Variants in WDR73 observed in about 807,000 individuals in gnomAD.
The protein encoded by WDR73 is WD repeat domain 73, also known as integrator complex assembly factor WDR73.
In WDR73, 30 loss-of-function variants were observed where a neutral mutation model predicts 38.2. The ratio of observed to expected loss-of-function variants is 0.79; its 90% CI spans 0.59 to 1.06. The LOEUF is 1.06. Ranked by LOEUF, WDR73 falls within the 50% of genes least tolerant of loss-of-function variation. The probability of loss-of-function intolerance (pLI) is 0.00; values close to 1 mark genes in which losing one functional copy is unlikely to be tolerated. For missense variants in WDR73, 487 were observed against 467.0 expected, an observed-to-expected ratio of 1.04 and a Z score of -0.40; for synonymous variants, 197 against 176.0, an observed-to-expected ratio of 1.12 and a Z score of -0.94.
chr15:84,643,551 G>A lies in WDR73; in HGVS notation c.1056C>T (p.Cys352=). Residue 352 remains cysteine, a synonymous_variant, in exon 8 of 8, where the codon TGC becomes TGT. Transcript: ENST00000434634. ...TTGCTGATAACAAAGTCCTTGGTCTGCAGGGATGCCAGGTGTGGGTGGTGA... is the reference window on the plus strand; with the variant it reads ...TTGCTGATAACAAAGTCCTTGGTCTACAGGGATGCCAGGTGTGGGTGGTGA... ...PLVTTHTWHP[C]RPRTLLSATN... The A allele has an allele frequency of 3.7e-6, 6 of 1,609,412 alleles. No individual in the cohort carries two copies. The highest frequency in any genetic ancestry group is 5.1e-6 in the Non-Finnish European group (6 of 1,177,848).
intron 2 of WDR73, 68 bp from the exon 3 acceptor site, chr15:84,652,870 A>C: frequency 1.1e-6 from 1 of 948,898 alleles, no homozygotes; most frequent in African/African-American, 1.7e-5. Flanking sequence ...AATCCCCCGA[A>C]GTAAGGATAC....
At chr15:84,653,922 C>G in intron 1 of WDR73, 1 of 604,688 alleles carries the variant, frequency 1.7e-6, no homozygotes, top group East Asian at 2.8e-5. Context: ...CCAGATTTCC[C>G]AAGGTTGACG....
Position 84,643,340 on chromosome 15 carries a change from C to G in WDR73, c.*130G>C. 1 of 1,128,218 alleles carries G rather than the reference C, an allele frequency of 8.9e-7. No homozygotes were observed. Among genetic ancestry groups the G allele is most frequent in the South Asian group, 1.6e-5 (1 of 61,636 alleles). The allele number at this position is 1,128,218 out of a possible 1,614,324, so 69.9% of individuals were successfully genotyped here. Reference sequence around the variant, plus strand: ...AGATAAGGAAACTGAGGCTAAGTGACGCTGGCAGACTTGCCCAAGGCCACA... The same window carrying G: ...AGATAAGGAAACTGAGGCTAAGTGAGGCTGGCAGACTTGCCCAAGGCCACA... On this transcript the variant is annotated 3_prime_UTR_variant, in exon 8 of 8. Coordinates refer to ENST00000434634, the MANE Select transcript of WDR73 (RefSeq NM_032856.5).
intron 3 of WDR73, among the ~76,000 whole-genome samples, chr15:84,651,324 G>A (rs956433762): frequency 6.6e-6 from 1 of 151,402 alleles, no homozygotes; most frequent in Non-Finnish European, 1.5e-5. Context: ...TACTTGGGAG[G>A]CTGAGGCGGG....
At chr15:84,652,614 T>C in intron 3 of WDR73, 100 bp downstream of exon 3, 2 of 672,470 alleles carry the variant, frequency 3.0e-6, no homozygotes, top group Non-Finnish European at 4.8e-6. Flanking sequence ...CTTTCTCTCT[T>C]TCTAGTATCC....
chr15:84,649,228 C>T (rs1364135584), intron 3 of WDR73, among the ~76,000 whole-genome samples: 1 of 152,146 alleles, frequency 6.6e-6, no homozygotes, highest in Non-Finnish European at 1.5e-5. Context: ...ACACTGTTAG[C>T]CACTAGGCTC....
intron 3 of WDR73, 120 bp downstream of exon 3, chr15:84,652,594 A>C: frequency 7.4e-6 from 4 of 540,982 alleles, no homozygotes; most frequent in South Asian, 3.0e-5. Context: ...CTAGAAGGGC[A>C]GGCCTAGCGC....
At chr15:84,648,946 C>T (rs962827146) in intron 3 of WDR73, among the ~76,000 whole-genome samples, 1 of 152,204 alleles carries the variant, frequency 6.6e-6, no homozygotes, top group African/African-American at 2.4e-5. Flanking sequence ...ATGAACACAT[C>T]CCCATTTCTC....
At chr15:84,645,995 G>A (rs752600738) in intron 6 of WDR73, 159 bp from the exon 7 acceptor site, 110 of 1,542,790 alleles carry the variant, frequency 7.1e-5, no homozygotes, top group Non-Finnish European at 9.4e-5. Context: ...AGCTGGTTGG[G>A]TGCTGGTCCC....
chr15:84,643,647 T>G lies in WDR73; in HGVS notation c.960A>C (p.Gln320His). The change falls in exon 8 of 8, where the codon CAA becomes CAC. Residue 320 changes from glutamine (Q) to histidine (H), a missense_variant. Transcript: ENST00000434634. ...GTRSQDGTRS[Q>H]VEPLFTHRGH... is the part of the protein sequence containing the mutation. ...CTCTGTGAGTGAAGAGAGGTTCTAC[T>G]TGGCTCCGTGTTCCATCTTGGCTCC... 1 of 1,068,296 alleles carries G rather than the reference T, an allele frequency of 9.4e-7. No individual in the cohort carries two copies. The highest frequency in any genetic ancestry group is 1.3e-6 in the Non-Finnish European group (1 of 763,066). 66.2% of individuals were successfully genotyped at this position (1,068,296 alleles called of 1,614,324 possible).
rs570754902 is a variant in WDR73, at chr15:84,641,450, G to GT, written c.*2019dup. On this transcript the variant is annotated 3_prime_UTR_variant, in exon 8 of 8. Transcript: ENST00000434634. ...CACCCAGGAAAGCCTGTTCCCCTAA[G>GT]TAAGTTTGAACTTTAGTTACTTGAA... The GT allele has an allele frequency of 2.6e-4, 39 of 152,294 alleles. No homozygotes were observed. The highest frequency in any genetic ancestry group is 8.7e-4 in the African/African-American group (36 of 41,578). 9.4% of individuals were successfully genotyped at this position (152,294 alleles called of 1,614,324 possible).
At chr15:84,654,042 C>T in intron 1 of WDR73, 192 bp downstream of exon 1, 1 of 710,694 alleles carries the variant, frequency 1.4e-6, no homozygotes, top group Non-Finnish European at 2.3e-6. Context: ...TCTCACAACG[C>T]GCGCACGCAG....
intron 7 of WDR73, chr15:84,644,746 T>C (rs1896389326): frequency 1.3e-5 from 2 of 151,162 alleles, no homozygotes; most frequent in Non-Finnish European, 2.9e-5. Context: ...ACCCGGCTAA[T>C]TTTTTTTATT....
At chr15:84,649,809 C>T (rs919632812) in intron 3 of WDR73, among the ~76,000 whole-genome samples, 1 of 152,070 alleles carries the variant, frequency 6.6e-6, no homozygotes, top group Non-Finnish European at 1.5e-5. Flanking sequence ...ATGGGCTTGC[C>T]ATGTTGTCCA....
chr15:84,643,673 G>T lies in WDR73; in HGVS notation c.934C>A (p.Arg312=), dbSNP rs758913043. The change falls in exon 8 of 8, where the codon CGG becomes AGG. Residue 312 remains arginine (R), a synonymous_variant. Transcript: ENST00000434634. ...VYDATSWDGT[R]SQDGTRSQVE... is the part of the protein sequence containing the mutation. The stretch of plus-strand genomic sequence containing the variant: ...TGGCTCCGTGTTCCATCTTGGCTCC[G>T]TGTTCCATCCCAAGATGTGGCATCA... 20 of 1,398,292 alleles carry T rather than the reference G, an allele frequency of 1.4e-5. No homozygotes were observed. In the South Asian group the frequency reaches 2.0e-4, roughly 14 times the overall value. The allele number at this position is 1,398,292 out of a possible 1,614,324, so 86.6% of individuals were successfully genotyped here. A position where few individuals can be genotyped will look rare whatever the true frequency, so the allele number is the denominator to read the frequency against.
intron 6 of WDR73, 119 bp downstream of exon 6, chr15:84,646,065 T>C (rs1467253816): frequency 1.3e-6 from 2 of 1,558,534 alleles, no homozygotes; most frequent in South Asian, 1.2e-5. Flanking sequence ...TTACCTCTTA[T>C]TCACTGTGTA....
Position 84,643,614 on chromosome 15 carries a change from G to C in WDR73, c.993C>G (p.Ile331Met), listed in dbSNP as rs987054848. Residue 331 changes from isoleucine (I) to methionine (M), a missense_variant, in exon 8 of 8, where the codon ATC becomes ATG. Ile to Met is a conservative substitution (Grantham distance 10). Transcript: ENST00000434634. ...VEPLFTHRGH[I>M]FLDGNGMDPA... ...GGTCCATCCCATTTCCATCTAGGAA[G>C]ATGTGACCTCTGTGAGTGAAGAGAG... 6.2e-7 allele frequency: 1 copy of C among 1,612,844 alleles called. No homozygotes were observed. The highest frequency in any genetic ancestry group is 1.3e-5 in the African/African-American group (1 of 74,898).
At position 84,639,825 on chromosome 15, in the gene WDR73, A is replaced by C. The variant is rs1290478474; in HGVS notation, c.*3645T>G. On this transcript the variant is annotated 3_prime_UTR_variant, in exon 8 of 8. Transcript: ENST00000434634. The stretch of plus-strand genomic sequence containing the variant: ...CCATCGAAACCACCAGGTGTACCGG[A>C]TTATGGCTGAGCAGCTGTGAGAACA... The C allele has an allele frequency of 6.6e-6, 1 of 152,238 alleles. No individual in the cohort carries two copies. The highest frequency in any genetic ancestry group is 1.5e-5 in the Non-Finnish European group (1 of 68,086). The allele number at this position is 152,238 out of a possible 1,614,324, so 9.4% of individuals were successfully genotyped here. A position where few individuals can be genotyped will look rare whatever the true frequency, so the allele number is the denominator to read the frequency against.
chr15:84,653,103 G>C (rs1896674592), intron 2 of WDR73: 1 of 272,504 alleles, frequency 3.7e-6, no homozygotes, highest in African/African-American at 2.2e-5. Flanking sequence ...ATTTTTTGTA[G>C]AGACAGGGTT....
Sources: allele counts gnomAD v4.1 joint callset (sites outside exome capture counted in the v4.1 genomes callset), GRCh38; gene constraint gnomAD v4.1.1; transcripts MANE v1.5; gene names NCBI Gene and HGNC (gene_info 2026-07-23, HGNC 2026-07-21).